The following EYS variants were observed in gnomAD, a reference collection of about 807,000 sequenced individuals.
The protein encoded by EYS is EGF-like photoreceptor maintenance factor.
A neutral mutation model predicts 282.1 loss-of-function variants in EYS; 250 were observed. The observed-to-expected ratio is 0.89, with a 90% CI of 0.80 to 0.98. The LOEUF (loss-of-function observed/expected upper bound fraction) is 0.98. Among genes scored for constraint, EYS ranks in the 50% least tolerant of loss-of-function variants. The pLI, the probability that EYS is intolerant of heterozygous loss-of-function variation, is 0.00. For synonymous variants in EYS, 1,355 were observed against 1,282.9 expected, an observed-to-expected ratio of 1.06 and a Z score of -1.20; for missense variants, 4,016 against 3,709.0, an observed-to-expected ratio of 1.08 and a Z score of -2.15.
At chr6:64,885,004 A>G (rs2150062284) in intron 19 of EYS, among the ~76,000 whole-genome samples, 1 of 151,802 alleles carries the variant, frequency 6.6e-6, no homozygotes, top group Middle Eastern at 3.4e-3. Flanking sequence ...GTGTAGAAAT[A>G]ATGACTTAAG....
At chr6:64,022,424 C>A (rs1207794561) in intron 33 of EYS, among the ~76,000 whole-genome samples, 2 of 152,060 alleles carry the variant, frequency 1.3e-5, no homozygotes, top group African/African-American at 4.8e-5. Context: ...TAAACTTTAC[C>A]ATTTTCACAA....
Position 64,543,166 on chromosome 6 carries a change from A to G in EYS, c.5644+47057T>C, listed in dbSNP as rs563732163. On this transcript the variant is annotated intron_variant, in intron 26 of 42. Coordinates refer to ENST00000503581, the MANE Select transcript of EYS (RefSeq NM_001142800.2). ...TTTATTGCCATTAATTTATAGCTTT[A>G]AGTTTCAAAGGAGAATTATAAGTTA... Among the ~76,000 whole-genome samples the G allele has an allele frequency of 4.1e-4, 63 of 152,258 alleles. 1 individual carries two copies. The South Asian group carries it at 0.012, about 30-fold the overall frequency.
chr6:65,462,279 C>G lies in EYS; in HGVS notation c.862+28315G>C, dbSNP rs1446944964. 2.6e-5 allele frequency among the ~76,000 whole-genome samples: 4 copies of G among 151,996 alleles called. No homozygotes were observed. The East Asian group carries it at 7.7e-4, about 29-fold the overall frequency. On this transcript the variant is annotated intron_variant, in intron 5 of 42. Coordinates refer to ENST00000503581, the MANE Select transcript of EYS (RefSeq NM_001142800.2). ...AAAGTCAAACTATAATGACAAAGAACAGATGAGTGATTGGTAGGGTTTGGA... is the reference window on the plus strand; with the variant it reads ...AAAGTCAAACTATAATGACAAAGAAGAGATGAGTGATTGGTAGGGTTTGGA...
At chr6:64,873,993 C>A (rs1332117116) in intron 19 of EYS, among the ~76,000 whole-genome samples, 1 of 151,932 alleles carries the variant, frequency 6.6e-6, no homozygotes, top group African/African-American at 2.4e-5. Context: ...CCATTAAAAG[C>A]CACAATTAAA....
intron 12 of EYS, among the ~76,000 whole-genome samples, chr6:65,104,292 T>C (rs1432700309): frequency 2.6e-5 from 4 of 151,544 alleles, no homozygotes; most frequent in Non-Finnish European, 5.9e-5. Context: ...AAATGTCTTA[T>C]AATGTGTCCT....
In EYS at chr6:64,593,409, A is replaced by G. The variant is rs989706176; in HGVS notation, c.3685-100T>C. 1.7e-4 allele frequency: 127 copies of G among 766,034 alleles called. No homozygotes were observed. In the Admixed American group the frequency reaches 4.2e-3, roughly 25 times the overall value. 47.5% of individuals were successfully genotyped at this position (766,034 alleles called of 1,614,324 possible). A position where few individuals can be genotyped will look rare whatever the true frequency, so the allele number is the denominator to read the frequency against. On this transcript the variant is annotated intron_variant, in intron 24 of 42. Transcript: ENST00000503581. The stretch of plus-strand genomic sequence containing the variant: ...GAGATCCATTTGCATTTCCATAGAC[A>G]TATTGGATAGCTCAAATAAAATATT...
intron 28 of EYS, among the ~76,000 whole-genome samples, chr6:64,420,007 C>G (rs985340488): frequency 2.0e-5 from 3 of 152,220 alleles, no homozygotes; most frequent in African/African-American, 7.2e-5. Flanking sequence ...CATGAGGGCT[C>G]TGCCCCTGAA....
intron 14 of EYS, among the ~76,000 whole-genome samples, chr6:64,989,226 T>C (rs9345578): frequency 0.067 from 10,051 of 150,246 alleles, 430 homozygotes; most frequent in East Asian, 0.13. Context: ...CCAAAGCTAT[T>C]TATCCCAAAG....
At chr6:64,024,437 C>G (rs1769374477) in intron 33 of EYS, among the ~76,000 whole-genome samples, 1 of 152,054 alleles carries the variant, frequency 6.6e-6, no homozygotes, top group Non-Finnish European at 1.5e-5. Flanking sequence ...CAATCAGCAC[C>G]CTGTCAAAAC....
At chr6:64,915,205 A>T (rs1768122096) in intron 15 of EYS, among the ~76,000 whole-genome samples, 1 of 152,114 alleles carries the variant, frequency 6.6e-6, no homozygotes, top group Non-Finnish European at 1.5e-5. Context: ...CTATTTACTA[A>T]TCCTACAAAT....
At chr6:64,870,902 T>A (rs2150054026) in intron 19 of EYS, among the ~76,000 whole-genome samples, 1 of 151,690 alleles carries the variant, frequency 6.6e-6, no homozygotes, top group African/African-American at 2.4e-5. Context: ...CAGAAATAAA[T>A]AAAGTTTGAA....
At chr6:65,266,380 T>C (rs763570555) in intron 12 of EYS, among the ~76,000 whole-genome samples, 31 of 151,888 alleles carry the variant, frequency 2.0e-4, no homozygotes, top group Non-Finnish European at 3.7e-4. Context: ...ACTATAAATC[T>C]ATGAAGGCGG....
In EYS at chr6:65,618,049, G is replaced by C. The variant is rs553874212; in HGVS notation, c.-333+21729C>G. On this transcript the variant is annotated intron_variant, in intron 2 of 42. Coordinates refer to ENST00000503581, the MANE Select transcript of EYS (RefSeq NM_001142800.2). The stretch of plus-strand genomic sequence containing the variant: ...TGTGTTTATAGCAGCATGATTTATA[G>C]TCCTTTGGGTATATACCCAGTAATG... 3.9e-5 allele frequency among the ~76,000 whole-genome samples: 6 copies of C among 151,982 alleles called. No homozygotes were observed. The South Asian group carries it at 6.2e-4, about 16-fold the overall frequency.
chr6:63,842,710 G>T (rs1041333579), intron 36 of EYS, among the ~76,000 whole-genome samples: 1 of 152,070 alleles, frequency 6.6e-6, no homozygotes, highest in African/African-American at 2.4e-5. Context: ...GGTATGCCTA[G>T]GTTTTCTTCT....
At chr6:64,176,292 T>C (rs1764631853) in intron 31 of EYS, among the ~76,000 whole-genome samples, 1 of 151,982 alleles carries the variant, frequency 6.6e-6, no homozygotes, top group Admixed American at 6.6e-5. Flanking sequence ...ATTATACAAA[T>C]TATATATATT....
At chr6:64,726,013 G>A (rs1404136383) in intron 22 of EYS, among the ~76,000 whole-genome samples, 2 of 152,072 alleles carry the variant, frequency 1.3e-5, no homozygotes, top group East Asian at 3.9e-4. Flanking sequence ...AACACTTAAT[G>A]TTACAGGTTC....
At chr6:64,295,961 G>C (rs1768964919) in intron 30 of EYS, among the ~76,000 whole-genome samples, 1 of 152,098 alleles carries the variant, frequency 6.6e-6, no homozygotes, top group Non-Finnish European at 1.5e-5. Flanking sequence ...ACATTTGGTA[G>C]AGCTGAATAA....
intron 34 of EYS, among the ~76,000 whole-genome samples, chr6:63,996,738 T>C (rs1767855540): frequency 6.6e-6 from 1 of 152,124 alleles, no homozygotes; most frequent in African/African-American, 2.4e-5. Flanking sequence ...TTGAAGATAA[T>C]AATAGTATTT....
intron 26 of EYS, among the ~76,000 whole-genome samples, chr6:64,542,676 A>G (rs958328904): frequency 1.2e-4 from 18 of 152,106 alleles, no homozygotes; most frequent in Non-Finnish European, 2.5e-4. Flanking sequence ...AATAACACAT[A>G]TAAAATGACC....
Sources: gnomAD v4.1 joint callset for allele counts (sites outside exome capture counted in the v4.1 genomes callset) on GRCh38, gnomAD v4.1.1 for gene constraint, MANE v1.5 for transcripts, NCBI Gene and HGNC (gene_info 2026-07-23, HGNC 2026-07-21) for gene names.